Variants in NPRL3 observed in about 807,000 individuals in gnomAD.
NPRL3 encodes GATOR1 complex protein NPRL3.
NPRL3 carries 23 observed loss-of-function variants against 57.2 expected under a neutral mutation model. The observed-to-expected ratio is 0.40, with a 90% confidence interval of 0.29 to 0.57. NPRL3 has a LOEUF of 0.57. Among genes scored for constraint, NPRL3 ranks in the 20% least tolerant of loss-of-function variants. The pLI is 0.42. For missense variants in NPRL3, 691 were observed against 767.1 expected (o/e 0.90, Z 1.17); for synonymous variants, 333 against 321.1 (o/e 1.04, Z -0.39).
Position 128,564 on chromosome 16 carries a change from C to T in NPRL3, c.188+1958G>A, listed in dbSNP as rs573271498. Among the ~76,000 whole-genome samples the T allele has an allele frequency of 9.9e-5, 15 of 152,122 alleles. No individual in the cohort carries two copies. In the South Asian group the frequency reaches 1.0e-3, roughly 11 times the overall value. On this transcript the variant is annotated intron_variant, in intron 3 of 13. Transcript: ENST00000611875. ...CTGGTGGATCACAAGGTCAGGAGAT[C>T]GAGACCGTCCTGGCTAACACGGTGA... is the stretch of plus-strand genomic sequence containing the variant.
intron 2 of NPRL3, among the ~76,000 whole-genome samples, chr16:136,260 A>G (rs578229213): frequency 1.3e-5 from 2 of 152,368 alleles, no homozygotes; most frequent in African/African-American, 4.8e-5. Context: ...CATCTCATGG[A>G]ATTCACCGTG....
chr16:123,314 G>A (rs1171447253), intron 3 of NPRL3, among the ~76,000 whole-genome samples: 2 of 152,148 alleles, frequency 1.3e-5, no homozygotes, highest in African/African-American at 4.8e-5. Flanking sequence ...ATAGCTAAAT[G>A]ACTGGGTAGA....
intron 3 of NPRL3, among the ~76,000 whole-genome samples, chr16:127,994 C>CTTCTTTTTTT (rs144300847): frequency 7.5e-6 from 1 of 133,334 alleles, no homozygotes. Flanking sequence ...CCATCTTCTT[C>CTTCTTTTTTT]TTTTTTTTTT....
chr16:136,341 G>A lies in NPRL3; in HGVS notation c.118+1809C>T, dbSNP rs374127145. 2.7e-3 allele frequency among the ~76,000 whole-genome samples: 410 copies of A among 152,356 alleles called. 2 individuals carry two copies. The highest frequency in any genetic ancestry group is 9.3e-3 in the African/African-American group (388 of 41,582). On this transcript the variant is annotated intron_variant, in intron 2 of 13. Coordinates refer to ENST00000611875, the MANE Select transcript of NPRL3 (RefSeq NM_001077350.3). ...AAAGATGCAGACATGAAGTGAAAAC[G>A]AAAACAGGGGCAGAACAGTGTGTAT...
At chr16:105,410 TGCATAACCCAAAA>T (rs1567136805) in intron 7 of NPRL3, among the ~76,000 whole-genome samples, 1 of 152,206 alleles carries the variant, frequency 6.6e-6, no homozygotes, top group African/African-American at 2.4e-5. Flanking sequence ...AGTGGGATGC[TGCATAACCCAAAA>T]GATCTATGTG....
intron 7 of NPRL3, among the ~76,000 whole-genome samples, chr16:103,295 G>GTTTTTTTTTTTTTTT (rs1331235205): frequency 6.3e-5 from 1 of 15,914 alleles, no homozygotes; most frequent in Non-Finnish European, 1.4e-4. Flanking sequence ...CGCCTGGGGT[G>GTTTTTTTTTTTTTTT]ATTTTTTTTT....
intron 2 of NPRL3, among the ~76,000 whole-genome samples, chr16:137,408 T>G (rs1489829608): frequency 2.0e-5 from 3 of 152,222 alleles, no homozygotes; most frequent in African/African-American, 7.2e-5. Context: ...ATTCGTGCGA[T>G]GAAAAACCTC....
At chr16:97,810 C>A (rs185311728) in intron 9 of NPRL3, among the ~76,000 whole-genome samples, 97 of 152,276 alleles carry the variant, frequency 6.4e-4, no homozygotes, top group African/African-American at 2.3e-3. Context: ...CCCCCATGGC[C>A]CTGCCCGCTG....
In NPRL3 at chr16:86,910, G is replaced by GC. The variant is rs764068636; in HGVS notation, c.1545-41dup. ...TGGGTGTGAGCCCAACCTGACACCA[G>GC]CCCCCAGAGGCCTCTGCTGAAGAGC... On this transcript the variant is annotated intron_variant, in intron 13 of 13. Coordinates refer to ENST00000611875, the MANE Select transcript of NPRL3 (RefSeq NM_001077350.3). 10 of 1,580,432 alleles carry GC rather than the reference G, an allele frequency of 6.3e-6. No homozygotes were observed. In the Admixed American group the frequency reaches 1.4e-4, roughly 22 times the overall value.
At chr16:107,692 G>C (rs1308882450) in intron 7 of NPRL3, among the ~76,000 whole-genome samples, 1 of 151,926 alleles carries the variant, frequency 6.6e-6, no homozygotes, top group Non-Finnish European at 1.5e-5. Context: ...TCACCATGTT[G>C]CTGGGGCTGG....
chr16:135,998 C>T (rs763368838), intron 2 of NPRL3, among the ~76,000 whole-genome samples: 1 of 152,158 alleles, frequency 6.6e-6, no homozygotes, highest in Non-Finnish European at 1.5e-5. Context: ...GGCAAATAAA[C>T]ATTAAAATTA....
chr16:92,463 C>T lies in NPRL3; in HGVS notation c.1161+133G>A, dbSNP rs919014957. 56 of 1,176,472 alleles carry T rather than the reference C, an allele frequency of 4.8e-5. 1 individual carries two copies. In the South Asian group the frequency reaches 5.4e-4, roughly 11 times the overall value. The allele number at this position is 1,176,472 out of a possible 1,614,324, so 72.9% of individuals were successfully genotyped here. A position where few individuals can be genotyped will look rare whatever the true frequency, so the allele number is the denominator to read the frequency against. ...TCCTGCTGGGCACGTAGCACTTGCA[C>T]GGCAAGCCCCCAAAACCAAGGAGAA... On this transcript the variant is annotated intron_variant, in intron 11 of 13. Transcript: ENST00000611875.
Position 85,695 on chromosome 16 carries a change from G to A in NPRL3, c.*1010C>T, listed in dbSNP as rs570972921. 2.3e-5 allele frequency: 36 copies of A among 1,547,730 alleles called. No individual in the cohort carries two copies. Among genetic ancestry groups the A allele is most frequent in the African/African-American group, 8.2e-5 (6 of 73,266 alleles). ...GTCGGCCATGCAGGGGAGTGGGCCC[G>A]GAAACCCCTCCGCTTCTATGTCCGG... On this transcript the variant is annotated 3_prime_UTR_variant, in exon 14 of 14. Coordinates refer to ENST00000611875, the MANE Select transcript of NPRL3 (RefSeq NM_001077350.3).
intron 9 of NPRL3, among the ~76,000 whole-genome samples, chr16:97,524 T>C (rs1420420769): frequency 1.3e-5 from 2 of 150,250 alleles, no homozygotes; most frequent in Admixed American, 6.7e-5. Flanking sequence ...GTGCCCAGCC[T>C]TGCCTGCGCT....
intron 7 of NPRL3, among the ~76,000 whole-genome samples, chr16:101,199 C>T (rs996575034): frequency 6.6e-6 from 1 of 152,060 alleles, no homozygotes; most frequent in Non-Finnish European, 1.5e-5. Flanking sequence ...TGGGCCTGCC[C>T]TGCACACCTC....
At chr16:122,632 C>A (rs541830525) in intron 3 of NPRL3, among the ~76,000 whole-genome samples, 4 of 152,270 alleles carry the variant, frequency 2.6e-5, no homozygotes, top group African/African-American at 9.6e-5. Flanking sequence ...ACTGAAGATT[C>A]CTGGAATAAC....
At chr16:117,730 C>T (rs917560236) in intron 4 of NPRL3, among the ~76,000 whole-genome samples, 17 of 152,216 alleles carry the variant, frequency 1.1e-4, no homozygotes, top group African/African-American at 3.1e-4. Context: ...CTAAGTATGA[C>T]GCATACTCAG....
intron 5 of NPRL3, among the ~76,000 whole-genome samples, chr16:114,620 A>G (rs574235844): frequency 1.3e-5 from 2 of 152,318 alleles, no homozygotes; most frequent in East Asian, 3.9e-4. Flanking sequence ...CACCACATGC[A>G]CTAGCTGGGC....
intron 5 of NPRL3, 131 bp from the exon 6 acceptor site, chr16:112,906 C>T (rs1054752460): frequency 3.4e-6 from 3 of 877,312 alleles, no homozygotes; most frequent in Admixed American, 3.2e-5. Flanking sequence ...ACTCCTTTCC[C>T]CCAGGCTCCT....
Sources: gnomAD v4.1 joint callset for allele counts (sites outside exome capture counted in the v4.1 genomes callset) on GRCh38, gnomAD v4.1.1 for gene constraint, MANE v1.5 for transcripts, NCBI Gene and HGNC (gene_info 2026-07-23, HGNC 2026-07-21) for gene names.